Variants in CNTNAP2 observed in about 807,000 individuals in gnomAD.
CNTNAP2 encodes the protein contactin associated protein 2, also known as contactin-associated protein-like 2.
In CNTNAP2, 98 loss-of-function variants were observed where a neutral mutation model predicts 155.2. That is an observed-to-expected ratio of 0.63 (90% CI 0.54 to 0.75). CNTNAP2 has a LOEUF of 0.75. CNTNAP2 is among the 30% of genes least tolerant of loss of function. The pLI is 0.00. For synonymous variants in CNTNAP2, 651 were observed against 631.2 expected (o/e 1.03, Z -0.47); for missense variants, 1,727 against 1,688.1 (o/e 1.02, Z -0.40).
Position 146,826,168 on chromosome 7 carries a change from T to C in CNTNAP2, c.209-13543T>C, listed in dbSNP as rs141805669. On this transcript the variant is annotated intron_variant, in intron 2 of 23. Transcript: ENST00000361727. ...TATTTGGTTAATAAACAATAAACTA[T>C]ATTTAGTTACTAGTTAGAAGATTTT... 2.1e-3 allele frequency among the ~76,000 whole-genome samples: 316 copies of C among 152,254 alleles called. 2 individuals carry two copies. Among genetic ancestry groups the C allele is most frequent in the African/African-American group, 5.7e-3 (235 of 41,558 alleles).
chr7:147,510,677 T>G (rs775976637), intron 11 of CNTNAP2, among the ~76,000 whole-genome samples: 1 of 151,650 alleles, frequency 6.6e-6, no homozygotes, highest in Non-Finnish European at 1.5e-5. Context: ...TCATAAATTT[T>G]GAATTATTAT....
Position 148,118,331 on chromosome 7 carries a change from T to A in CNTNAP2, c.2554+43T>A, listed in dbSNP as rs184679740. ...GTCAACTCATGGGGAGCCACTTTCG[T>A]CACCTCAGGGTGGTCCGGGTCCTGA... On this transcript the variant is annotated intron_variant, in intron 16 of 23. Transcript: ENST00000361727. The A allele has an allele frequency of 3.7e-5, 60 of 1,609,740 alleles. 1 individual carries two copies. The East Asian group carries it at 5.4e-4, about 14-fold the overall frequency.
At chr7:146,737,087 T>C (rs529390812) in intron 1 of CNTNAP2, among the ~76,000 whole-genome samples, 74 of 152,222 alleles carry the variant, frequency 4.9e-4, no homozygotes, top group African/African-American at 1.6e-3. Context: ...CTTCAAAGCA[T>C]CCAAAAAATA....
intron 2 of CNTNAP2, among the ~76,000 whole-genome samples, chr7:146,812,737 A>G (rs1451698706): frequency 6.6e-6 from 1 of 152,174 alleles, no homozygotes; most frequent in African/African-American, 2.4e-5. Flanking sequence ...CAATGGGGAA[A>G]ATATATCTAG....
At chr7:146,827,544 A>G (rs555755528) in intron 2 of CNTNAP2, among the ~76,000 whole-genome samples, 2 of 151,140 alleles carry the variant, frequency 1.3e-5, no homozygotes, top group African/African-American at 4.9e-5. Flanking sequence ...CTTGAGAATG[A>G]TGACATTTTC....
intron 8 of CNTNAP2, among the ~76,000 whole-genome samples, chr7:147,252,577 A>G (rs906878753): frequency 4.6e-5 from 7 of 152,210 alleles, no homozygotes; most frequent in African/African-American, 1.7e-4. Flanking sequence ...ATAAGGCTAG[A>G]AAAATAATTT....
At chr7:147,615,786 A>G (rs1289177005) in intron 12 of CNTNAP2, among the ~76,000 whole-genome samples, 1 of 152,150 alleles carries the variant, frequency 6.6e-6, no homozygotes, top group Non-Finnish European at 1.5e-5. Flanking sequence ...CCTCTTGGAA[A>G]GATCATATTA....
intron 3 of CNTNAP2, among the ~76,000 whole-genome samples, chr7:146,863,735 A>G (rs910848820): frequency 2.6e-4 from 39 of 152,144 alleles, no homozygotes; most frequent in African/African-American, 9.2e-4. Context: ...GTTCCCAAAT[A>G]GAAGCTAGGC....
chr7:147,054,081 C>G (rs980331870), intron 4 of CNTNAP2, among the ~76,000 whole-genome samples: 3 of 152,164 alleles, frequency 2.0e-5, no homozygotes, highest in African/African-American at 7.2e-5. Flanking sequence ...TAATACCTCT[C>G]TCCTCTGGTT....
intron 20 of CNTNAP2, among the ~76,000 whole-genome samples, chr7:148,264,196 A>G (rs1206650678): frequency 6.6e-6 from 1 of 152,222 alleles, no homozygotes; most frequent in Non-Finnish European, 1.5e-5. Flanking sequence ...ATGACAAATG[A>G]TTTTTGTTGT....
At chr7:147,738,969 A>G (rs865940114) in intron 13 of CNTNAP2, among the ~76,000 whole-genome samples, 3 of 152,048 alleles carry the variant, frequency 2.0e-5, no homozygotes, top group African/African-American at 7.2e-5. Context: ...CAAAACTTTT[A>G]TATATACTAG....
chr7:147,198,857 A>G (rs1802862625), intron 8 of CNTNAP2, among the ~76,000 whole-genome samples: 1 of 152,122 alleles, frequency 6.6e-6, no homozygotes, highest in Non-Finnish European at 1.5e-5. Flanking sequence ...ATTTATAGGA[A>G]GAAGGAATGG....
At chr7:147,110,837 T>G (rs1211765002) in intron 5 of CNTNAP2, among the ~76,000 whole-genome samples, 1 of 152,184 alleles carries the variant, frequency 6.6e-6, no homozygotes, top group African/African-American at 2.4e-5. Context: ...AATGAACATA[T>G]GTATGCATGT....
intron 1 of CNTNAP2, among the ~76,000 whole-genome samples, chr7:146,358,523 C>T (rs980093806): frequency 1.5e-4 from 23 of 152,092 alleles, no homozygotes; most frequent in Admixed American, 5.9e-4. Flanking sequence ...TTTCACTCAA[C>T]GCAGACCTGT....
At chr7:148,198,802 T>C (rs975371335) in intron 18 of CNTNAP2, among the ~76,000 whole-genome samples, 9 of 152,238 alleles carry the variant, frequency 5.9e-5, no homozygotes, top group Admixed American at 5.9e-4. Flanking sequence ...AAAACATATT[T>C]AGGAGGATGG....
At chr7:147,320,118 C>T (rs886508417) in intron 9 of CNTNAP2, among the ~76,000 whole-genome samples, 60 of 152,110 alleles carry the variant, frequency 3.9e-4, no homozygotes, top group African/African-American at 1.4e-3. Context: ...GATTTTCCAC[C>T]ATCTTTAGTA....
chr7:146,189,918 T>A (rs1387609547), intron 1 of CNTNAP2, among the ~76,000 whole-genome samples: 15 of 152,284 alleles, frequency 9.9e-5, no homozygotes, highest in Non-Finnish European at 7.4e-5. Flanking sequence ...GTCCAATCAC[T>A]CTGGTTGCCA....
intron 15 of CNTNAP2, among the ~76,000 whole-genome samples, chr7:148,011,997 C>T (rs966444848): frequency 6.6e-5 from 10 of 152,238 alleles, no homozygotes; most frequent in African/African-American, 2.4e-4. Flanking sequence ...ATTCAATCCT[C>T]TCGCTTTCCA....
intron 10 of CNTNAP2, among the ~76,000 whole-genome samples, chr7:147,466,997 T>G (rs12703916): frequency 0.18 from 27,400 of 152,256 alleles, 3,163 homozygotes; most frequent in Non-Finnish European, 0.25. Context: ...TTAATGTATC[T>G]TATATAGGCT....
Sources: gnomAD v4.1 joint callset for allele counts (sites outside exome capture counted in the v4.1 genomes callset) on GRCh38, gnomAD v4.1.1 for gene constraint, MANE v1.5 for transcripts, NCBI Gene and HGNC (gene_info 2026-07-23, HGNC 2026-07-21) for gene names.